Variants in PUM1 observed in about 807,000 individuals in gnomAD.
PUM1 encodes pumilio RNA binding family member 1.
Under a neutral mutation model 131.8 loss-of-function variants are expected in PUM1, and 13 were observed. That is an observed-to-expected ratio of 0.10 (90% CI 0.06 to 0.16). The LOEUF (loss-of-function observed/expected upper bound fraction) is 0.16, where lower values mean the gene tolerates loss of function less well. Ranked by LOEUF, PUM1 falls within the 10% of genes least tolerant of loss-of-function variation. PUM1 has a pLI of 1.00. For missense variants in PUM1, 961 were observed against 1,512.4 expected (o/e 0.64, Z 6.05); for synonymous variants, 509 against 556.5 (o/e 0.91, Z 1.20).
intron 3 of PUM1, among the ~76,000 whole-genome samples, chr1:31,023,200 G>GCAAAAAAA (rs1643098616): frequency 1.3e-5 from 2 of 151,506 alleles, no homozygotes; most frequent in Non-Finnish European, 2.9e-5. Flanking sequence ...ACATTTTGAG[G>GCAAAAAAA]AAAAAGGGGA....
At chr1:30,957,091 C>CACACACACAG (rs1400029323) in intron 14 of PUM1, among the ~76,000 whole-genome samples, 2 of 128,422 alleles carry the variant, frequency 1.6e-5, no homozygotes, top group South Asian at 2.8e-4. Flanking sequence ...CATTCATACA[C>CACACACACAG]ACACACACAC....
At chr1:31,030,512 A>G (rs191103410) in intron 2 of PUM1, among the ~76,000 whole-genome samples, 1 of 152,290 alleles carries the variant, frequency 6.6e-6, no homozygotes, top group East Asian at 1.9e-4. Context: ...AATGTAGTAG[A>G]GTACCCTGTC....
rs548339431 is a variant in PUM1 at position 31,002,627 on chromosome 1, G to C, written c.720+3226C>G. 5.3e-5 allele frequency among the ~76,000 whole-genome samples: 8 copies of C among 152,144 alleles called. No homozygotes were observed. The South Asian group carries it at 1.0e-3, about 20-fold the overall frequency. ...CACCCTGAACCATGGGGGGCTGTGG[G>C]GTGAGCACCTGTTCTACTCCAAGAA... On this transcript the variant is annotated intron_variant, in intron 5 of 21. Transcript: ENST00000426105.
At chr1:30,991,767 A>C (rs1641803087) in intron 7 of PUM1, among the ~76,000 whole-genome samples, 1 of 152,232 alleles carries the variant, frequency 6.6e-6, no homozygotes, top group African/African-American at 2.4e-5. Context: ...GTAGTCCTAC[A>C]TGTCTTCAAA....
chr1:30,970,438 T>A (rs1640829855), intron 10 of PUM1, among the ~76,000 whole-genome samples: 1 of 152,210 alleles, frequency 6.6e-6, no homozygotes, highest in Non-Finnish European at 1.5e-5. Context: ...TGGAAATATC[T>A]CAAATAATGT....
intron 18 of PUM1, among the ~76,000 whole-genome samples, chr1:30,943,480 G>A (rs968308454): frequency 6.6e-6 from 1 of 151,980 alleles, no homozygotes; most frequent in Non-Finnish European, 1.5e-5. Context: ...TCGAACTCCT[G>A]ACCTCAGGTG....
At chr1:31,047,363 G>T (rs1368783839) in intron 2 of PUM1, among the ~76,000 whole-genome samples, 1 of 151,934 alleles carries the variant, frequency 6.6e-6, no homozygotes, top group African/African-American at 2.4e-5. Context: ...AAAAAAAAAA[G>T]ATGATTTACC....
chr1:30,963,500 T>C (rs553330179), intron 14 of PUM1, among the ~76,000 whole-genome samples: 2 of 152,328 alleles, frequency 1.3e-5, no homozygotes, highest in African/African-American at 4.8e-5. Flanking sequence ...TATATAAACA[T>C]AGTTTTGACT....
intron 1 of PUM1, among the ~76,000 whole-genome samples, chr1:31,061,198 C>A (rs1644359733): frequency 6.6e-6 from 1 of 152,162 alleles, no homozygotes; most frequent in Admixed American, 6.6e-5. Flanking sequence ...GTGGCTCACT[C>A]CTGTCATCCC....
At chr1:30,948,277 C>G (rs1639766208) in intron 17 of PUM1, among the ~76,000 whole-genome samples, 1 of 152,004 alleles carries the variant, frequency 6.6e-6, no homozygotes, top group African/African-American at 2.4e-5. Flanking sequence ...GGAGAGATGG[C>G]TTCCCTGGAT....
At chr1:30,942,191 T>TTTTATATATATATATATA (rs1425100677) in intron 18 of PUM1, 68 bp from the exon 19 acceptor site, 19 of 143,402 alleles carry the variant, frequency 1.3e-4, no homozygotes, top group African/African-American at 9.7e-4. Flanking sequence ...TCAGTATTGT[T>TTTTATATATATATATATA]TATATATATA....
intron 20 of PUM1, among the ~76,000 whole-genome samples, chr1:30,938,338 C>G (rs1456090480): frequency 1.3e-5 from 2 of 152,124 alleles, no homozygotes; most frequent in East Asian, 3.9e-4. Flanking sequence ...CTGCAACCTC[C>G]ACCTCCTAGG....
At chr1:30,995,341 A>G (rs1310106073) in intron 5 of PUM1, 121 bp from the exon 6 acceptor site, 1 of 1,060,934 alleles carries the variant, frequency 9.4e-7, no homozygotes, top group Non-Finnish European at 1.4e-6. Flanking sequence ...GCCCTTTCAC[A>G]CATTACAATC....
Position 30,980,152 on chromosome 1 carries a change from C to A in PUM1, c.1264G>T (p.Ala422Ser). The A allele has an allele frequency of 1.2e-6, 2 of 1,613,724 alleles. No individual in the cohort carries two copies. Among genetic ancestry groups the A allele is most frequent in the South Asian group, 1.1e-5 (1 of 91,044 alleles). Residue 422 changes from alanine to serine, a missense_variant, in exon 9 of 22, where the codon GCT becomes TCT. Ala to Ser is a moderately conservative substitution (Grantham distance 99, BLOSUM62 1). Coordinates refer to ENST00000426105, the MANE Select transcript of PUM1 (RefSeq NM_001020658.2). ...ATGTATGGATTGGGGACAAACGCAG[C>A]GGGAGCTAAACCTGCTGAAAACATA... is the stretch of plus-strand genomic sequence containing the variant. Reference protein sequence around the residue: ...AHQPHIGLAPAAFVPNPYIIS... With the variant: ...AHQPHIGLAPSAFVPNPYIIS...
chr1:31,052,561 C>T (rs912555590), intron 2 of PUM1, among the ~76,000 whole-genome samples: 1 of 151,912 alleles, frequency 6.6e-6, no homozygotes, highest in East Asian at 1.9e-4. Context: ...GATACAGTGT[C>T]TCACTATATT....
chr1:30,983,796 G>A (rs1641445948), intron 7 of PUM1, among the ~76,000 whole-genome samples: 1 of 143,492 alleles, frequency 7.0e-6, no homozygotes, highest in Non-Finnish European at 1.5e-5. Context: ...TTGTAGAGAT[G>A]AAGTCTACGT....
intron 2 of PUM1, among the ~76,000 whole-genome samples, chr1:31,053,114 G>A (rs187326697): frequency 2.7e-5 from 4 of 150,802 alleles, no homozygotes; most frequent in East Asian, 2.0e-4. Flanking sequence ...CGATTCAAGC[G>A]ATTTTCCTGC....
chr1:30,957,195 T>C (rs867117028), intron 14 of PUM1, among the ~76,000 whole-genome samples: 2 of 151,862 alleles, frequency 1.3e-5, no homozygotes, highest in East Asian at 1.9e-4. Context: ...TAAATGGCAA[T>C]GGCAAACTGA....
At chr1:30,962,115 G>A (rs1640439729) in intron 14 of PUM1, among the ~76,000 whole-genome samples, 1 of 152,150 alleles carries the variant, frequency 6.6e-6, no homozygotes, top group African/African-American at 2.4e-5. Context: ...TGGCATGTAC[G>A]AAACATGCAC....
Sources: allele counts gnomAD v4.1 joint callset (sites outside exome capture counted in the v4.1 genomes callset), GRCh38; gene constraint gnomAD v4.1.1; transcripts MANE v1.5; gene names NCBI Gene and HGNC (gene_info 2026-07-23, HGNC 2026-07-21).